The following TMEM131L variants were observed in gnomAD, a reference collection of about 807,000 sequenced individuals.
The protein encoded by TMEM131L is transmembrane 131 like, also known as transmembrane protein 131-like.
Under a neutral mutation model 192.2 loss-of-function variants are expected in TMEM131L, and 54 were observed. That is an observed-to-expected ratio of 0.28 (90% CI 0.23 to 0.35). The LOEUF (loss-of-function observed/expected upper bound fraction) is 0.35. TMEM131L is among the 10% of genes least tolerant of loss of function. The pLI is 1.00. For synonymous variants in TMEM131L, 701 were observed against 704.9 expected, an observed-to-expected ratio of 0.99 and a Z score of 0.09; for missense variants, 1,888 against 1,972.9, an observed-to-expected ratio of 0.96 and a Z score of 0.82.
chr4:153,534,900 G>A (rs75335868), intron 3 of TMEM131L, among the ~76,000 whole-genome samples: 1,935 of 152,338 alleles, frequency 0.013, 40 homozygotes, highest in African/African-American at 0.044. Context: ...AGAGCACCGT[G>A]GGTACAGACC....
chr4:153,552,895 A>G (rs887579549), intron 4 of TMEM131L, among the ~76,000 whole-genome samples: 1 of 151,998 alleles, frequency 6.6e-6, no homozygotes, highest in Non-Finnish European at 1.5e-5. Flanking sequence ...TGTAAATACT[A>G]TGTAAATAGT....
chr4:153,539,993 C>G (rs1736650132), intron 3 of TMEM131L, among the ~76,000 whole-genome samples: 1 of 151,970 alleles, frequency 6.6e-6, no homozygotes, highest in Admixed American at 6.6e-5. Flanking sequence ...GCCTGTAATC[C>G]CAGCTACTGG....
Position 153,627,650 on chromosome 4 carries a change from C to A in TMEM131L, c.4170C>A (p.Ser1390Arg). ...AATACGCAGAGCCTTCCTGTCCCAG[C>A]CTTCCTGCCGGGCCCACAGGTGTTG... ...LPQYAEPSCP[S>R]LPAGPTGVEE... The change falls in exon 31 of 35, where the codon AGC (serine) becomes AGA (arginine). Residue 1390 changes from serine to arginine, a missense_variant. Coordinates refer to ENST00000409959, the MANE Select transcript of TMEM131L (RefSeq NM_001131007.2). The A allele has an allele frequency of 6.2e-7, 1 of 1,614,110 alleles. No homozygotes were observed. The highest frequency in any genetic ancestry group is 8.5e-7 in the Non-Finnish European group (1 of 1,179,978).
chr4:153,620,648 A>G (rs2126724993), intron 26 of TMEM131L, 108 bp from the exon 27 acceptor site: 1 of 614,270 alleles, frequency 1.6e-6, no homozygotes, highest in Non-Finnish European at 2.6e-6. Context: ...TCAGTTTTCA[A>G]CAGCACTGGG....
At chr4:153,585,185 C>T (rs1157312263) in intron 12 of TMEM131L, among the ~76,000 whole-genome samples, 1 of 152,212 alleles carries the variant, frequency 6.6e-6, no homozygotes, top group Non-Finnish European at 1.5e-5. Flanking sequence ...TACATATTCA[C>T]ATGGTGTTTC....
chr4:153,625,959 A>C (rs1344419915), intron 29 of TMEM131L, among the ~76,000 whole-genome samples, 188 bp from the exon 30 acceptor site: 1 of 152,200 alleles, frequency 6.6e-6, no homozygotes, highest in Non-Finnish European at 1.5e-5. Flanking sequence ...AATATACCTA[A>C]ATGTTCATAA....
At chr4:153,495,397 G>A (rs994605012) in intron 3 of TMEM131L, among the ~76,000 whole-genome samples, 1 of 152,022 alleles carries the variant, frequency 6.6e-6, no homozygotes, top group Non-Finnish European at 1.5e-5. Flanking sequence ...AGGAGGTCCT[G>A]TGCCCAGGGT....
At chr4:153,621,897 G>C (rs752972946) in intron 28 of TMEM131L, 48 bp downstream of exon 28, 1 of 1,582,100 alleles carries the variant, frequency 6.3e-7, no homozygotes, top group East Asian at 2.2e-5. Context: ...GGGAATTTTT[G>C]TTTCCTCAAT....
intron 3 of TMEM131L, among the ~76,000 whole-genome samples, chr4:153,487,536 G>T (rs1396940441): frequency 6.6e-6 from 1 of 152,142 alleles, no homozygotes; most frequent in Non-Finnish European, 1.5e-5. Flanking sequence ...CCTTCTGAGG[G>T]AGAATTCATT....
At chr4:153,590,883 C>G (rs1578814791) in intron 16 of TMEM131L, among the ~76,000 whole-genome samples, 170 bp from the exon 17 acceptor site, 1 of 152,276 alleles carries the variant, frequency 6.6e-6, no homozygotes, top group East Asian at 1.9e-4. Context: ...CTTCTAGGAT[C>G]AATCTTGTAC....
At chr4:153,620,929 T>C in intron 27 of TMEM131L, 49 bp downstream of exon 27, 1 of 1,472,772 alleles carries the variant, frequency 6.8e-7, no homozygotes, top group South Asian at 1.3e-5. Flanking sequence ...TTTCACTTTA[T>C]AATTTTGCAT....
intron 16 of TMEM131L, 104 bp downstream of exon 16, chr4:153,589,111 A>G: frequency 1.5e-6 from 1 of 653,934 alleles, no homozygotes; most frequent in Non-Finnish European, 2.7e-6. Flanking sequence ...CTCTCACCCC[A>G]CCGTAGATGC....
chr4:153,536,052 C>T (rs1736294433), intron 3 of TMEM131L, among the ~76,000 whole-genome samples: 1 of 152,202 alleles, frequency 6.6e-6, no homozygotes, highest in South Asian at 2.1e-4. Context: ...CTGATCTTTG[C>T]TTTTCCCTGC....
intron 31 of TMEM131L, among the ~76,000 whole-genome samples, chr4:153,631,699 A>G (rs1210975681): frequency 6.6e-6 from 1 of 152,232 alleles, no homozygotes; most frequent in African/African-American, 2.4e-5. Flanking sequence ...GTGTCCAAGA[A>G]GTCAACTCTG....
intron 4 of TMEM131L, among the ~76,000 whole-genome samples, chr4:153,551,421 A>C (rs1009042861): frequency 6.6e-6 from 1 of 151,450 alleles, no homozygotes; most frequent in African/African-American, 2.4e-5. Context: ...GCAGGGGCAC[A>C]GTGTCGGCTC....
chr4:153,503,399 A>C lies in TMEM131L; in HGVS notation c.239+29511A>C, dbSNP rs763903529. ...GGATAAGGTTCAAGTGACTTGGCAT[A>C]AAAGGGACAGCTTTTTAAAATAAGG... is the stretch of plus-strand genomic sequence containing the variant. On this transcript the variant is annotated intron_variant, in intron 3 of 34. Transcript: ENST00000409959. Among the ~76,000 whole-genome samples, 29 of 152,200 alleles carry C rather than the reference A, an allele frequency of 1.9e-4. 1 individual carries two copies. The highest frequency in any genetic ancestry group is 9.8e-4 in the Admixed American group (15 of 15,290).
chr4:153,615,856 C>T lies in TMEM131L; in HGVS notation c.3567+3456C>T, dbSNP rs1732940559. Among the ~76,000 whole-genome samples, 6 of 152,288 alleles carry T rather than the reference C, an allele frequency of 3.9e-5. No homozygotes were observed. In the South Asian group the frequency reaches 1.2e-3, roughly 32 times the overall value. ...CTCCACCTGCCACATGCATGGGTGC[C>T]ATCGCCTATTTCAAACTCTCCTCCC... On this transcript the variant is annotated intron_variant, in intron 26 of 34. Coordinates refer to ENST00000409959, the MANE Select transcript of TMEM131L (RefSeq NM_001131007.2).
intron 3 of TMEM131L, among the ~76,000 whole-genome samples, chr4:153,488,897 G>T (rs147128046): frequency 0.016 from 2,407 of 152,248 alleles, 62 homozygotes; most frequent in African/African-American, 0.055. Context: ...CGGCACTCCA[G>T]TCTCTTGTCG....
At chr4:153,521,454 T>A (rs1023283816) in intron 3 of TMEM131L, among the ~76,000 whole-genome samples, 16 of 152,342 alleles carry the variant, frequency 1.1e-4, no homozygotes, top group African/African-American at 3.8e-4. Flanking sequence ...CAGATAGACC[T>A]TATTTTGCAC....
Sources: allele counts gnomAD v4.1 joint callset (sites outside exome capture counted in the v4.1 genomes callset), GRCh38; gene constraint gnomAD v4.1.1; transcripts MANE v1.5; gene names NCBI Gene and HGNC (gene_info 2026-07-23, HGNC 2026-07-21).